The following TMEM196 variants were observed in gnomAD, a reference collection of about 807,000 sequenced individuals.
TMEM196 encodes transmembrane protein 196.
TMEM196 carries 17 observed loss-of-function variants against 20.0 expected under a neutral mutation model. That is an observed-to-expected ratio of 0.85 (90% CI 0.58 to 1.27). The LOEUF (loss-of-function observed/expected upper bound fraction) is 1.27, where lower values mean the gene tolerates loss of function less well. Ranked by LOEUF, TMEM196 falls within the 50% of genes most tolerant of loss-of-function variation. TMEM196 has a pLI of 0.00. For missense variants in TMEM196, 267 were observed against 223.0 expected, an observed-to-expected ratio of 1.20 and a Z score of -1.26; for synonymous variants, 113 against 88.9, an observed-to-expected ratio of 1.27 and a Z score of -1.52.
At chr7:19,735,012 C>A (rs1784347571) in intron 1 of TMEM196, among the ~76,000 whole-genome samples, 1 of 152,028 alleles carries the variant, frequency 6.6e-6, no homozygotes, top group Non-Finnish European at 1.5e-5. Flanking sequence ...TCTGCCAATA[C>A]CCCAGGCGGT....
intron 1 of TMEM196, among the ~76,000 whole-genome samples, chr7:19,739,027 T>C (rs1278557084): frequency 1.3e-5 from 2 of 152,124 alleles, no homozygotes; most frequent in African/African-American, 4.8e-5. Context: ...CAGTGATAAA[T>C]CATGTTGATG....
chr7:19,727,381 G>C (rs73680687), intron 2 of TMEM196, among the ~76,000 whole-genome samples: 2,434 of 152,200 alleles, frequency 0.016, 63 homozygotes, highest in African/African-American at 0.055. Context: ...ACTACAAGTA[G>C]TTAATTTCAT....
chr7:19,727,028 G>A (rs1458883910), intron 2 of TMEM196, among the ~76,000 whole-genome samples: 1 of 152,042 alleles, frequency 6.6e-6, no homozygotes, highest in East Asian at 1.9e-4. Flanking sequence ...CTCCTCCTTT[G>A]TTGTAATTCC....
chr7:19,749,567 G>A (rs1027741555), intron 1 of TMEM196, among the ~76,000 whole-genome samples: 1 of 152,004 alleles, frequency 6.6e-6, no homozygotes, highest in Non-Finnish European at 1.5e-5. Flanking sequence ...TAAATGTATG[G>A]AACATGATGT....
intron 1 of TMEM196, among the ~76,000 whole-genome samples, chr7:19,749,667 C>T (rs10228783): frequency 0.15 from 23,387 of 152,054 alleles, 2,186 homozygotes; most frequent in East Asian, 0.42. Flanking sequence ...GAGAACAAGG[C>T]CTTTTGTAAG....
chr7:19,736,118 A>G (rs543246374), intron 1 of TMEM196, among the ~76,000 whole-genome samples: 1 of 151,956 alleles, frequency 6.6e-6, no homozygotes, highest in East Asian at 1.9e-4. Flanking sequence ...CTAGTTCTTG[A>G]ATAGTTTTAC....
chr7:19,772,883 GC>G lies in TMEM196; in HGVS notation c.-188del. ...AAGACCTTCCCTGGCTGGGCCAGAG[GC>G]AAAGGAGCTGCTCCACCCCCTGGCA... On this transcript the variant is annotated 5_prime_UTR_variant, in exon 1 of 5. Transcript: ENST00000405844. 4.2e-6 allele frequency: 2 copies of G among 474,440 alleles called. No homozygotes were observed. The highest frequency in any genetic ancestry group is 6.9e-6 in the Non-Finnish European group (2 of 288,006). The allele number at this position is 474,440 out of a possible 1,614,324, so 29.4% of individuals were successfully genotyped here. A position where few individuals can be genotyped will look rare whatever the true frequency, so the allele number is the denominator to read the frequency against.
chr7:19,748,258 CT>C (rs1784832063), intron 1 of TMEM196, among the ~76,000 whole-genome samples: 1 of 82,512 alleles, frequency 1.2e-5, no homozygotes, highest in South Asian at 4.4e-4. Flanking sequence ...TTCACTGTGG[CT>C]GTCCAAAAAA....
At chr7:19,730,019 G>T (rs1040115172) in intron 1 of TMEM196, among the ~76,000 whole-genome samples, 3 of 152,172 alleles carry the variant, frequency 2.0e-5, no homozygotes, top group African/African-American at 7.2e-5. Context: ...TACTTTGGGA[G>T]GTCATGGTGG....
intron 1 of TMEM196, among the ~76,000 whole-genome samples, chr7:19,742,251 T>A (rs1784606658): frequency 1.3e-5 from 2 of 152,190 alleles, no homozygotes; most frequent in South Asian, 4.1e-4. Context: ...TTTCATGCCA[T>A]GCCTATCTAA....
chr7:19,727,899 C>T (rs1401297726), intron 2 of TMEM196, among the ~76,000 whole-genome samples: 1 of 152,018 alleles, frequency 6.6e-6, no homozygotes, highest in Non-Finnish European at 1.5e-5. Context: ...AGACTCTAGA[C>T]TGCAGATATA....
chr7:19,743,006 A>T (rs571782290), intron 1 of TMEM196, among the ~76,000 whole-genome samples: 20 of 152,186 alleles, frequency 1.3e-4, no homozygotes, highest in Middle Eastern at 3.4e-3. Flanking sequence ...GTTCATACTT[A>T]TCTCCATTAG....
At chr7:19,732,066 T>C (rs1311969689) in intron 1 of TMEM196, among the ~76,000 whole-genome samples, 2 of 152,182 alleles carry the variant, frequency 1.3e-5, no homozygotes, top group Non-Finnish European at 2.9e-5. Context: ...CCCAAAGTAG[T>C]AAATTGATAT....
chr7:19,749,732 T>C (rs1040235169), intron 1 of TMEM196, among the ~76,000 whole-genome samples: 1 of 152,158 alleles, frequency 6.6e-6, no homozygotes, highest in Non-Finnish European at 1.5e-5. Flanking sequence ...ATTTTTGTTG[T>C]CTCCTTTATT....
intron 1 of TMEM196, among the ~76,000 whole-genome samples, chr7:19,748,451 C>A (rs1784845632): frequency 6.6e-6 from 1 of 152,048 alleles, no homozygotes; most frequent in African/African-American, 2.4e-5. Context: ...TTTTATAGAA[C>A]AAGAAACAGG....
chr7:19,764,650 T>A (rs1562629545), intron 1 of TMEM196, among the ~76,000 whole-genome samples: 2 of 152,216 alleles, frequency 1.3e-5, no homozygotes, highest in African/African-American at 2.4e-5. Context: ...TTTGTTGTCA[T>A]GTGCTATACT....
intron 1 of TMEM196, among the ~76,000 whole-genome samples, chr7:19,767,037 C>G (rs576128780): frequency 2.6e-5 from 4 of 152,180 alleles, no homozygotes; most frequent in African/African-American, 7.2e-5. Context: ...TATTAGTTAT[C>G]TCTTAATGTT....
chr7:19,765,064 C>T (rs1785574492), intron 1 of TMEM196, among the ~76,000 whole-genome samples: 1 of 152,076 alleles, frequency 6.6e-6, no homozygotes, highest in African/African-American at 2.4e-5. Flanking sequence ...AAGTAAGTTC[C>T]TTTTTCTACT....
At chr7:19,768,631 A>G (rs1397397164) in intron 1 of TMEM196, among the ~76,000 whole-genome samples, 2 of 152,166 alleles carry the variant, frequency 1.3e-5, no homozygotes, top group Non-Finnish European at 2.9e-5. Context: ...ATTAATTGTT[A>G]TCTAACAGTT....
Sources: gnomAD v4.1 joint callset for allele counts (sites outside exome capture counted in the v4.1 genomes callset) on GRCh38, gnomAD v4.1.1 for gene constraint, MANE v1.5 for transcripts, NCBI Gene and HGNC (gene_info 2026-07-23, HGNC 2026-07-21) for gene names.